The following JAKMIP2 variants were observed in gnomAD, a reference collection of about 807,000 sequenced individuals.
The protein encoded by JAKMIP2 is janus kinase and microtubule-interacting protein 2.
A neutral mutation model predicts 115.0 loss-of-function variants in JAKMIP2; 25 were observed. The observed-to-expected ratio is 0.22, with a 90% CI of 0.16 to 0.30. The LOEUF (loss-of-function observed/expected upper bound fraction) is 0.30. Ranked by LOEUF, JAKMIP2 falls within the 10% of genes least tolerant of loss-of-function variation. The pLI, the probability that JAKMIP2 is intolerant of heterozygous loss-of-function variation, is 1.00. For synonymous variants in JAKMIP2, 334 were observed against 343.6 expected, an observed-to-expected ratio of 0.97 and a Z score of 0.31; for missense variants, 642 against 957.6, an observed-to-expected ratio of 0.67 and a Z score of 4.35.
chr5:147,610,485 T>C (rs1320113336), intron 20 of JAKMIP2, among the ~76,000 whole-genome samples: 1 of 152,182 alleles, frequency 6.6e-6, no homozygotes. Context: ...CACTCCAGAC[T>C]CTGTTTGCCG....
intron 19 of JAKMIP2, among the ~76,000 whole-genome samples, chr5:147,615,091 C>T (rs974882088): frequency 6.6e-6 from 1 of 152,214 alleles, no homozygotes; most frequent in African/African-American, 2.4e-5. Context: ...TGTGGCTCTG[C>T]CCCTGTCCCT....
intron 1 of JAKMIP2, among the ~76,000 whole-genome samples, chr5:147,738,020 A>T (rs1753989755): frequency 6.6e-6 from 1 of 152,114 alleles, no homozygotes; most frequent in Non-Finnish European, 1.5e-5. Context: ...GAAACAATTT[A>T]TTTAGAATAA....
At chr5:147,592,104 T>C (rs1755126774) in intron 21 of JAKMIP2, among the ~76,000 whole-genome samples, 1 of 152,224 alleles carries the variant, frequency 6.6e-6, no homozygotes, top group Admixed American at 6.5e-5. Flanking sequence ...GTTACATGGA[T>C]ATATTTCATG....
intron 7 of JAKMIP2, among the ~76,000 whole-genome samples, 162 bp from the exon 8 acceptor site, chr5:147,641,926 A>T (rs758751360): frequency 1.3e-5 from 2 of 152,288 alleles, no homozygotes; most frequent in African/African-American, 4.8e-5. Flanking sequence ...ACTTAAATAT[A>T]TTCAAAACAA....
rs1021816612 is a variant in JAKMIP2 at position 147,706,188 on chromosome 5, C to A, written c.-148-34234G>T. On this transcript the variant is annotated intron_variant, in intron 1 of 21. Transcript: ENST00000616793. ...ATAAAATTTAGATCTGACAGGAAAA[C>A]CTTAAAATATATTAATAAGGAAAGA... 3.3e-5 allele frequency among the ~76,000 whole-genome samples: 5 copies of A among 152,010 alleles called. No individual in the cohort carries two copies. The East Asian group carries it at 9.6e-4, about 29-fold the overall frequency.
intron 9 of JAKMIP2, 60 bp from the exon 10 acceptor site, chr5:147,639,820 T>A (rs2126713603): frequency 6.4e-7 from 1 of 1,571,546 alleles, no homozygotes; most frequent in Non-Finnish European, 8.6e-7. Context: ...CTGTTTTCAA[T>A]GTGAAATATT....
At chr5:147,599,355 A>G (rs1266384383) in intron 21 of JAKMIP2, among the ~76,000 whole-genome samples, 3 of 152,182 alleles carry the variant, frequency 2.0e-5, no homozygotes, top group Admixed American at 6.5e-5. Flanking sequence ...ATCATCACAC[A>G]ACTAGTAAAT....
chr5:147,662,884 G>A (rs1304852086), intron 2 of JAKMIP2, among the ~76,000 whole-genome samples: 1 of 152,014 alleles, frequency 6.6e-6, no homozygotes, highest in African/African-American at 2.4e-5. Context: ...ACTTGGGAAG[G>A]CTGAGGCAGG....
rs1184594902 is a variant in JAKMIP2 at position 147,612,302 on chromosome 5, C to T, written c.2412+4G>A. The T allele has an allele frequency of 6.6e-7, 1 of 1,515,558 alleles. No homozygotes were observed. The allele number at this position is 1,515,558 out of a possible 1,614,324, so 93.9% of individuals were successfully genotyped here. A position where few individuals can be genotyped will look rare whatever the true frequency, so the allele number is the denominator to read the frequency against. ...ATAAGATAGTTATTGAATTTGACAC[C>T]TACCTTTTCTTCTAAGTCTTTTATT... On this transcript the variant is annotated splice_donor_region_variant and intron_variant, in intron 20 of 21. Coordinates refer to ENST00000616793, the MANE Select transcript of JAKMIP2 (RefSeq NM_001270941.2).
chr5:147,735,603 G>A (rs533805195), intron 1 of JAKMIP2, among the ~76,000 whole-genome samples: 26 of 152,228 alleles, frequency 1.7e-4, no homozygotes, highest in Middle Eastern at 3.4e-3. Context: ...GACACGTGGG[G>A]ATTATTACAA....
At chr5:147,670,050 C>T (rs1561527807) in intron 2 of JAKMIP2, among the ~76,000 whole-genome samples, 1 of 152,144 alleles carries the variant, frequency 6.6e-6, no homozygotes, top group Non-Finnish European at 1.5e-5. Flanking sequence ...ACAAATAATG[C>T]CCCGTGTCTT....
intron 1 of JAKMIP2, among the ~76,000 whole-genome samples, chr5:147,690,857 C>G (rs1751811440): frequency 6.6e-6 from 1 of 151,990 alleles, no homozygotes; most frequent in Non-Finnish European, 1.5e-5. Context: ...AAATTATATA[C>G]CTGGATCTGT....
intron 1 of JAKMIP2, among the ~76,000 whole-genome samples, chr5:147,743,999 TTTCCTTCC>T (rs542685199): frequency 0.21 from 23,941 of 111,860 alleles, 2,599 homozygotes; most frequent in Admixed American, 0.23. Flanking sequence ...TCCTAACTTC[TTTCCTTCC>T]TTCCTTCCTT....
intron 1 of JAKMIP2, among the ~76,000 whole-genome samples, chr5:147,755,864 G>C (rs772337304): frequency 2.2e-4 from 34 of 152,004 alleles, no homozygotes; most frequent in Non-Finnish European, 4.0e-4. Flanking sequence ...GAATGACTAG[G>C]GGTTTCTGAG....
At chr5:147,695,677 T>TGAGA (rs10687365) in intron 1 of JAKMIP2, among the ~76,000 whole-genome samples, 19 of 147,110 alleles carry the variant, frequency 1.3e-4, no homozygotes, top group African/African-American at 4.2e-4. Flanking sequence ...TGTGTGTGTG[T>TGAGA]GAGAGAGAGA....
intron 1 of JAKMIP2, among the ~76,000 whole-genome samples, chr5:147,675,904 G>T (rs1266329671): frequency 6.8e-6 from 1 of 147,556 alleles, no homozygotes; most frequent in Non-Finnish European, 1.5e-5. Flanking sequence ...ATATTCTATT[G>T]TAGGGATAAA....
At chr5:147,730,176 AAGCCTGAGTC>A (rs1450901834) in intron 1 of JAKMIP2, among the ~76,000 whole-genome samples, 1 of 152,208 alleles carries the variant, frequency 6.6e-6, no homozygotes, top group Non-Finnish European at 1.5e-5. Context: ...ACCGTGGGTG[AAGCCTGAGTC>A]ATTTCAGGCC....
chr5:147,649,872 A>G (rs562809670), intron 4 of JAKMIP2, among the ~76,000 whole-genome samples: 15 of 152,296 alleles, frequency 9.8e-5, no homozygotes, highest in Admixed American at 6.5e-4. Flanking sequence ...CATGGAAATA[A>G]GTGGTAAGTT....
intron 5 of JAKMIP2, among the ~76,000 whole-genome samples, chr5:147,645,849 T>C (rs141800330): frequency 1.3e-5 from 2 of 152,326 alleles, no homozygotes; most frequent in East Asian, 1.9e-4. Flanking sequence ...TCGCCTGTAG[T>C]TGGGAACCAC....
Sources: gnomAD v4.1 joint callset for allele counts (sites outside exome capture counted in the v4.1 genomes callset) on GRCh38, gnomAD v4.1.1 for gene constraint, MANE v1.5 for transcripts, NCBI Gene and HGNC (gene_info 2026-07-23, HGNC 2026-07-21) for gene names.